Variants in SLC25A26 observed in about 807,000 individuals in gnomAD.
The protein encoded by SLC25A26 is mitochondrial S-adenosylmethionine carrier protein.
In SLC25A26, 36 loss-of-function variants were observed where a neutral mutation model predicts 37.8. The ratio of observed to expected loss-of-function variants is 0.95; its 90% CI spans 0.73 to 1.26. The LOEUF is 1.26. SLC25A26 is among the 50% of genes most tolerant of loss of function. The probability of loss-of-function intolerance (pLI) is 0.00; values close to 1 mark genes in which losing one functional copy is unlikely to be tolerated. For synonymous variants in SLC25A26, 129 were observed against 122.5 expected (o/e 1.05, Z -0.35); for missense variants, 390 against 331.1 (o/e 1.18, Z -1.38).
intron 1 of SLC25A26, among the ~76,000 whole-genome samples, chr3:66,204,445 AAAGAAAAAAGAAAG>A (rs2071151303): frequency 6.7e-6 from 1 of 150,106 alleles, no homozygotes; most frequent in African/African-American, 2.4e-5. Flanking sequence ...AAAAAGAAAA[AAAGAAAAAAGAAAG>A]AAAAAGAAAA....
intron 1 of SLC25A26, 137 bp downstream of exon 1, chr3:66,221,264 G>A: frequency 1.1e-6 from 1 of 942,362 alleles, no homozygotes. Flanking sequence ...AGGTCTGAGA[G>A]GGAGCACGAG....
chr3:66,291,963 C>G (rs1054342922), intron 5 of SLC25A26, among the ~76,000 whole-genome samples: 4 of 152,254 alleles, frequency 2.6e-5, no homozygotes, highest in African/African-American at 9.6e-5. Flanking sequence ...TAAGAACTTG[C>G]TTTATGAATC....
chr3:66,307,049 A>G (rs965637240), intron 5 of SLC25A26, among the ~76,000 whole-genome samples: 3 of 152,108 alleles, frequency 2.0e-5, no homozygotes, highest in Admixed American at 6.5e-5. Flanking sequence ...GTCAAATGCT[A>G]TTTCTGGTTC....
chr3:66,316,746 A>G (rs1477259920), intron 5 of SLC25A26, among the ~76,000 whole-genome samples: 1 of 151,998 alleles, frequency 6.6e-6, no homozygotes, highest in Non-Finnish European at 1.5e-5. Flanking sequence ...TGTCTCTTTC[A>G]GGTACCCCAT....
At chr3:66,181,654 A>G (rs1191698998) in intron 1 of SLC25A26, among the ~76,000 whole-genome samples, 2 of 152,196 alleles carry the variant, frequency 1.3e-5, no homozygotes, top group Non-Finnish European at 2.9e-5. Context: ...AACTTGTCCA[A>G]GCTCAAATTT....
intron 1 of SLC25A26, among the ~76,000 whole-genome samples, chr3:66,200,284 G>T (rs2071091997): frequency 1.3e-5 from 2 of 152,190 alleles, no homozygotes; most frequent in African/African-American, 4.8e-5. Context: ...TGTTGTGCTT[G>T]GCTGCACCTA....
intron 2 of SLC25A26, among the ~76,000 whole-genome samples, chr3:66,240,460 T>G (rs2072520907): frequency 1.3e-5 from 2 of 152,040 alleles, no homozygotes; most frequent in Admixed American, 1.3e-4. Flanking sequence ...GCTAATTATT[T>G]ATTTTTTTGT....
At chr3:66,151,573 AC>A (rs1295340973) in intron 1 of SLC25A26, among the ~76,000 whole-genome samples, 2 of 152,084 alleles carry the variant, frequency 1.3e-5, no homozygotes, top group Non-Finnish European at 2.9e-5. Flanking sequence ...TCCATGCCCA[AC>A]TCTCTGCACC....
At chr3:66,278,784 G>A (rs2107427479) in intron 5 of SLC25A26, among the ~76,000 whole-genome samples, 1 of 152,218 alleles carries the variant, frequency 6.6e-6, no homozygotes, top group Non-Finnish European at 1.5e-5. Context: ...TCCTTAACCT[G>A]CAAATTTCAC....
intron 1 of SLC25A26, among the ~76,000 whole-genome samples, chr3:66,225,671 C>T (rs879679618): frequency 1.3e-5 from 2 of 152,182 alleles, no homozygotes; most frequent in Admixed American, 1.3e-4. Context: ...TTCTTTTTTA[C>T]CGCATCATCA....
intron 6 of SLC25A26, among the ~76,000 whole-genome samples, chr3:66,350,214 A>C (rs980519974): frequency 2.2e-4 from 33 of 152,360 alleles, no homozygotes; most frequent in African/African-American, 6.0e-4. Context: ...AGATTGCATC[A>C]CATGGCACTG....
At chr3:66,224,410 G>C (rs1287624044) in intron 1 of SLC25A26, among the ~76,000 whole-genome samples, 1 of 152,214 alleles carries the variant, frequency 6.6e-6, no homozygotes, top group Non-Finnish European at 1.5e-5. Flanking sequence ...ATGTGCTGCA[G>C]GGGAACTCCC....
At chr3:66,167,184 G>T (rs758457752) in intron 1 of SLC25A26, among the ~76,000 whole-genome samples, 5 of 152,110 alleles carry the variant, frequency 3.3e-5, no homozygotes, top group Non-Finnish European at 5.9e-5. Context: ...GATGGTAAAG[G>T]GTTCCATTGT....
chr3:66,340,094 C>T (rs2076174755), intron 5 of SLC25A26, among the ~76,000 whole-genome samples: 1 of 152,000 alleles, frequency 6.6e-6, no homozygotes, highest in Non-Finnish European at 1.5e-5. Flanking sequence ...TTCCCAATAT[C>T]GTTTGTTGAA....
chr3:66,268,512 C>T (rs774877927), intron 5 of SLC25A26, among the ~76,000 whole-genome samples: 45 of 152,176 alleles, frequency 3.0e-4, no homozygotes, highest in Non-Finnish European at 5.7e-4. Flanking sequence ...ATTTACTTTC[C>T]TGTGAACTGA....
intron 1 of SLC25A26, among the ~76,000 whole-genome samples, chr3:66,209,788 T>C (rs900110997): frequency 7.5e-6 from 1 of 133,274 alleles, no homozygotes; most frequent in Non-Finnish European, 1.6e-5. Context: ...GGTATATATA[T>C]ATATACACAC....
intron 1 of SLC25A26, among the ~76,000 whole-genome samples, chr3:66,214,357 G>A (rs1173942415): frequency 7.2e-5 from 11 of 152,198 alleles, no homozygotes; most frequent in African/African-American, 2.6e-4. Flanking sequence ...AGAACCGTGA[G>A]CCAAATAAAC....
intron 3 of SLC25A26, among the ~76,000 whole-genome samples, chr3:66,244,222 G>T (rs1032748247): frequency 6.6e-6 from 1 of 152,084 alleles, no homozygotes; most frequent in African/African-American, 2.4e-5. Flanking sequence ...GAAAAAATAC[G>T]TAAGGCAAAA....
chr3:66,146,764 G>A (rs1250899276), intron 1 of SLC25A26, among the ~76,000 whole-genome samples: 1 of 152,058 alleles, frequency 6.6e-6, no homozygotes, highest in Non-Finnish European at 1.5e-5. Flanking sequence ...CGAATTCTGA[G>A]ATTTTAATGC....
Sources: allele counts gnomAD v4.1 joint callset (sites outside exome capture counted in the v4.1 genomes callset), GRCh38; gene constraint gnomAD v4.1.1; transcripts MANE v1.5; gene names NCBI Gene and HGNC (gene_info 2026-07-23, HGNC 2026-07-21).